The following DLGAP2 variants were observed in gnomAD, a reference collection of about 807,000 sequenced individuals.
DLGAP2 encodes disks large-associated protein 2.
In DLGAP2, 26 loss-of-function variants were observed where a neutral mutation model predicts 100.3. The ratio of observed to expected loss-of-function variants is 0.26; its 90% CI spans 0.19 to 0.36. The LOEUF is 0.36. Ranked by LOEUF, DLGAP2 falls within the 10% of genes least tolerant of loss-of-function variation. The pLI, the probability that DLGAP2 is intolerant of heterozygous loss-of-function variation, is 1.00. For synonymous variants in DLGAP2, 886 were observed against 630.1 expected, an observed-to-expected ratio of 1.41 and a Z score of -6.08; for missense variants, 1,858 against 1,453.2, an observed-to-expected ratio of 1.28 and a Z score of -4.53.
At chr8:1,460,237 C>T (rs778010072) in intron 3 of DLGAP2, among the ~76,000 whole-genome samples, 5 of 152,178 alleles carry the variant, frequency 3.3e-5, no homozygotes, top group Non-Finnish European at 7.3e-5. Context: ...CCACTTGCTC[C>T]AATACAACAG....
At chr8:1,182,402 A>G (rs1055527283) in intron 2 of DLGAP2, among the ~76,000 whole-genome samples, 5 of 152,248 alleles carry the variant, frequency 3.3e-5, no homozygotes, top group African/African-American at 9.6e-5. Flanking sequence ...GAATTGTATC[A>G]GTAGGACCTG....
Position 1,557,622 on chromosome 8 carries a change from C to G in DLGAP2, c.1230+7939C>G, listed in dbSNP as rs74567941. 1.1e-4 allele frequency among the ~76,000 whole-genome samples: 17 copies of G among 152,246 alleles called. No individual in the cohort carries two copies. In the East Asian group the frequency reaches 2.9e-3, roughly 26 times the overall value. Reference sequence around the variant, plus strand: ...CGGGTGCCATGACGGGCATACACACCCGGGGGGCGTGTAAAGGCACATTCA... The same window carrying G: ...CGGGTGCCATGACGGGCATACACACGCGGGGGGCGTGTAAAGGCACATTCA... On this transcript the variant is annotated intron_variant, in intron 5 of 14. Coordinates refer to ENST00000637795, the MANE Select transcript of DLGAP2 (RefSeq NM_001346810.2).
At chr8:1,137,871 A>C (rs971376274) in intron 2 of DLGAP2, 6 of 152,102 alleles carry the variant, frequency 3.9e-5, no homozygotes, top group Non-Finnish European at 8.8e-5. Context: ...GCTCACTGCA[A>C]TCTCTGCCTC....
chr8:1,502,040 T>C (rs566159526), intron 4 of DLGAP2, among the ~76,000 whole-genome samples: 1 of 152,378 alleles, frequency 6.6e-6, no homozygotes, highest in East Asian at 1.9e-4. Context: ...CCAATGCTTC[T>C]GTTAAAGATG....
intron 6 of DLGAP2, among the ~76,000 whole-genome samples, chr8:1,588,274 G>C (rs114915744): frequency 6.6e-6 from 1 of 152,024 alleles, no homozygotes; most frequent in South Asian, 2.1e-4. Context: ...TGCGACCTTC[G>C]AGATTCCAGA....
At chr8:1,673,065 G>A (rs1798730418) in intron 10 of DLGAP2, among the ~76,000 whole-genome samples, 2 of 152,230 alleles carry the variant, frequency 1.3e-5, no homozygotes, top group South Asian at 4.1e-4. Context: ...AGGTGGGACA[G>A]TGATTTTGCT....
At chr8:1,104,636 A>C (rs183704577) in intron 2 of DLGAP2, among the ~76,000 whole-genome samples, 2 of 152,308 alleles carry the variant, frequency 1.3e-5, no homozygotes, top group East Asian at 3.9e-4. Flanking sequence ...GCTCCAGGAA[A>C]TCGCCGCCTG....
chr8:1,000,731 T>G (rs1442008754), intron 2 of DLGAP2, among the ~76,000 whole-genome samples: 1 of 152,202 alleles, frequency 6.6e-6, no homozygotes, highest in African/African-American at 2.4e-5. Flanking sequence ...GCCTTGATCT[T>G]TACTCAACGT....
At chr8:935,602 C>T (rs1024365092) in intron 2 of DLGAP2, among the ~76,000 whole-genome samples, 2 of 152,132 alleles carry the variant, frequency 1.3e-5, no homozygotes, top group African/African-American at 4.8e-5. Flanking sequence ...GGCTCTGTCG[C>T]ATTTGCATAC....
At chr8:1,101,686 G>A (rs937660101) in intron 2 of DLGAP2, among the ~76,000 whole-genome samples, 5 of 149,704 alleles carry the variant, frequency 3.3e-5, no homozygotes, top group Non-Finnish European at 5.9e-5. Context: ...AACACGACAC[G>A]ACGATGGGAA....
chr8:1,234,937 G>T (rs1360341173), intron 2 of DLGAP2, among the ~76,000 whole-genome samples: 4 of 152,116 alleles, frequency 2.6e-5, no homozygotes, highest in Non-Finnish European at 5.9e-5. Flanking sequence ...ACAAAGCATT[G>T]TGTCTGCTTC....
chr8:1,164,161 C>G (rs1469916804), intron 2 of DLGAP2, among the ~76,000 whole-genome samples: 3 of 138,482 alleles, frequency 2.2e-5, no homozygotes, highest in Non-Finnish European at 3.1e-5. Flanking sequence ...TGTGAGCCCC[C>G]CAGGGCCCGT....
At chr8:1,373,305 CG>C (rs1262122365) in intron 3 of DLGAP2, among the ~76,000 whole-genome samples, 1 of 151,858 alleles carries the variant, frequency 6.6e-6, no homozygotes, top group Non-Finnish European at 1.5e-5. Flanking sequence ...GCAGGGGCCG[CG>C]GGCGGCAGCT....
chr8:787,313 C>A (rs146592567), intron 1 of DLGAP2, among the ~76,000 whole-genome samples: 4 of 152,170 alleles, frequency 2.6e-5, no homozygotes, highest in Non-Finnish European at 5.9e-5. Context: ...GTGATACTGA[C>A]GTTCTGTGAT....
chr8:1,527,084 G>C (rs965144472), intron 4 of DLGAP2, among the ~76,000 whole-genome samples: 3 of 151,978 alleles, frequency 2.0e-5, no homozygotes, highest in Admixed American at 6.6e-5. Context: ...GCCATCACAA[G>C]CCCACCCGTT....
At chr8:1,175,461 C>G (rs546826858) in intron 2 of DLGAP2, among the ~76,000 whole-genome samples, 1 of 152,272 alleles carries the variant, frequency 6.6e-6, no homozygotes, top group East Asian at 1.9e-4. Flanking sequence ...ATTATAAAAG[C>G]ATAATTTGAT....
rs533261866 is a variant in DLGAP2 at position 799,990 on chromosome 8, C to T, written c.18+62165C>T. Among the ~76,000 whole-genome samples, 14 of 152,246 alleles carry T rather than the reference C, an allele frequency of 9.2e-5. No homozygotes were observed. In the East Asian group the frequency reaches 1.5e-3, roughly 17 times the overall value. Reference sequence around the variant, plus strand: ...GCATTTCTAGTGCTTTAATGAAAGCCGCAGTGATGGCCAGACAGAAGCAGC... The same window carrying T: ...GCATTTCTAGTGCTTTAATGAAAGCTGCAGTGATGGCCAGACAGAAGCAGC... On this transcript the variant is annotated intron_variant, in intron 1 of 14. Coordinates refer to ENST00000637795, the MANE Select transcript of DLGAP2 (RefSeq NM_001346810.2).
intron 3 of DLGAP2, among the ~76,000 whole-genome samples, chr8:1,364,501 G>GA (rs199581238): frequency 7.3e-6 from 1 of 137,532 alleles, no homozygotes; most frequent in African/African-American, 2.9e-5. Flanking sequence ...CATGGGAAGG[G>GA]CGGGGGGGGT....
intron 6 of DLGAP2, among the ~76,000 whole-genome samples, chr8:1,582,756 A>C (rs1393619183): frequency 6.6e-6 from 1 of 152,042 alleles, no homozygotes; most frequent in Non-Finnish European, 1.5e-5. Context: ...CACCCGACTA[A>C]TTTTTGTATT....
Sources: allele counts gnomAD v4.1 joint callset (sites outside exome capture counted in the v4.1 genomes callset), GRCh38; gene constraint gnomAD v4.1.1; transcripts MANE v1.5; gene names NCBI Gene and HGNC (gene_info 2026-07-23, HGNC 2026-07-21).